Variants in PTPRD observed in about 807,000 individuals in gnomAD.
The protein encoded by PTPRD is receptor-type tyrosine-protein phosphatase delta.
PTPRD carries 34 observed loss-of-function variants against 214.5 expected under a neutral mutation model. The ratio of observed to expected loss-of-function variants is 0.16; its 90% CI spans 0.12 to 0.21. PTPRD has a LOEUF of 0.21. Among genes scored for constraint, PTPRD ranks in the 10% least tolerant of loss-of-function variants. PTPRD has a pLI of 1.00. For missense variants in PTPRD, 2,545 were observed against 2,398.7 expected (o/e 1.06, Z -1.27); for synonymous variants, 1,128 against 845.7 (o/e 1.33, Z -5.79).
intron 4 of PTPRD, among the ~76,000 whole-genome samples, chr9:10,004,151 A>T (rs1588662427): frequency 2.0e-5 from 3 of 151,908 alleles, no homozygotes; most frequent in African/African-American, 7.2e-5. Context: ...TGACATAGAA[A>T]GGTTTTAAGT....
chr9:9,827,266 G>A (rs566693583), intron 5 of PTPRD, among the ~76,000 whole-genome samples: 14 of 152,212 alleles, frequency 9.2e-5, no homozygotes, highest in African/African-American at 3.4e-4. Context: ...ATCCTACAAG[G>A]CTGCAGTCAC....
chr9:8,848,313 C>CTCTTTTTTTTTT (rs1338928285), intron 11 of PTPRD, among the ~76,000 whole-genome samples: 4 of 132,678 alleles, frequency 3.0e-5, no homozygotes, highest in African/African-American at 8.4e-5. Context: ...AAGATTTTTC[C>CTCTTTTTTTTTT]TTTTTTTTTT....
At chr9:9,474,681 G>A (rs1589354483) in intron 8 of PTPRD, among the ~76,000 whole-genome samples, 2 of 97,222 alleles carry the variant, frequency 2.1e-5, no homozygotes, top group African/African-American at 6.3e-5. Flanking sequence ...CTATTCCTAG[G>A]GTTTTTTTTG....
rs143228442 is a variant in PTPRD, at chr9:8,981,081, C to A, written c.-104+37616G>T. ...GCACCTCGCTAACGGAATTTCTTAT[C>A]TTTCTTTTATTTTCAAAAGCTCAGT... On this transcript the variant is annotated intron_variant, in intron 11 of 45. Coordinates refer to ENST00000381196, the MANE Select transcript of PTPRD (RefSeq NM_002839.4). 6.9e-3 allele frequency among the ~76,000 whole-genome samples: 1,056 copies of A among 152,146 alleles called. 6 individuals are homozygous for A. Among genetic ancestry groups the A allele is most frequent in the Non-Finnish European group, 0.011 (752 of 67,966 alleles).
intron 2 of PTPRD, among the ~76,000 whole-genome samples, chr9:10,478,855 T>C (rs1589092179): frequency 6.6e-6 from 1 of 151,704 alleles, no homozygotes; most frequent in East Asian, 1.9e-4. Flanking sequence ...AACAAGAAAA[T>C]TCAGAAAAAT....
intron 2 of PTPRD, among the ~76,000 whole-genome samples, chr9:10,568,419 A>G (rs1454810505): frequency 6.6e-6 from 1 of 152,000 alleles, no homozygotes; most frequent in Non-Finnish European, 1.5e-5. Context: ...TAGTGCCGCA[A>G]TAAACATACG....
chr9:10,180,317 A>C (rs549647254), intron 3 of PTPRD, among the ~76,000 whole-genome samples: 1 of 152,174 alleles, frequency 6.6e-6, no homozygotes, highest in East Asian at 1.9e-4. Flanking sequence ...TAAAAGCCAA[A>C]GTTCTAAAAG....
chr9:9,938,317 A>C (rs1324874810), intron 5 of PTPRD, among the ~76,000 whole-genome samples, 190 bp downstream of exon 5: 1 of 152,190 alleles, frequency 6.6e-6, no homozygotes, highest in African/African-American at 2.4e-5. Context: ...GTGGATTAAA[A>C]AGTATATGCA....
chr9:9,212,659 C>T (rs1261228521), intron 9 of PTPRD, among the ~76,000 whole-genome samples: 1 of 152,146 alleles, frequency 6.6e-6, no homozygotes, highest in East Asian at 1.9e-4. Context: ...AAGTATTTTG[C>T]ACATACAGCC....
chr9:9,887,616 C>G (rs1321410102), intron 5 of PTPRD, among the ~76,000 whole-genome samples: 1 of 152,092 alleles, frequency 6.6e-6, no homozygotes, highest in Admixed American at 6.6e-5. Flanking sequence ...GTACCATGTA[C>G]TCAGACAAAC....
rs1175875551 is a variant in PTPRD at position 9,653,348 on chromosome 9, CAAAAAAAAAAAAAAAAAAAAAAAA to C, written c.-286-78591_-286-78568del. ...TGGGCGACAGAGCGAGACTCCGTCT[CAAAAAAAAAAAAAAAAAAAAAAAA>C]AAAAAAAAAAAAAAGTGCCTCATTC... On this transcript the variant is annotated intron_variant, in intron 7 of 45. Coordinates refer to ENST00000381196, the MANE Select transcript of PTPRD (RefSeq NM_002839.4). Among the ~76,000 whole-genome samples, 21 of 32,506 alleles carry C rather than the reference CAAAAAAAAAAAAAAAAAAAAAAAA, an allele frequency of 6.5e-4. 2 individuals are homozygous for C. The East Asian group carries it at 0.063, about 97-fold the overall frequency. 21.3% of individuals were successfully genotyped at this position (32,506 alleles called of 152,430 possible).
intron 2 of PTPRD, among the ~76,000 whole-genome samples, chr9:10,375,515 A>C (rs766900503): frequency 1.3e-5 from 2 of 152,036 alleles, no homozygotes; most frequent in Non-Finnish European, 2.9e-5. Flanking sequence ...TTCTTTAATC[A>C]GACATGCGAT....
At chr9:10,264,526 GT>G (rs2093921169) in intron 3 of PTPRD, among the ~76,000 whole-genome samples, 1 of 152,118 alleles carries the variant, frequency 6.6e-6, no homozygotes, top group Non-Finnish European at 1.5e-5. Flanking sequence ...TAGTCCCTTT[GT>G]TTTGGCCATT....
At chr9:8,964,195 T>TTTG (rs1396474757) in intron 11 of PTPRD, among the ~76,000 whole-genome samples, 6 of 139,846 alleles carry the variant, frequency 4.3e-5, no homozygotes, top group Non-Finnish European at 7.7e-5. Context: ...GGGCTGTGTT[T>TTTG]TTTTTTTTTT....
intron 11 of PTPRD, among the ~76,000 whole-genome samples, chr9:8,813,326 T>A (rs572581058): frequency 1.4e-3 from 209 of 152,202 alleles, no homozygotes; most frequent in African/African-American, 4.9e-3. Flanking sequence ...GAATAGCTTA[T>A]CAGAATTCAA....
At chr9:8,624,782 G>C (rs1177955213) in intron 14 of PTPRD, among the ~76,000 whole-genome samples, 2 of 151,828 alleles carry the variant, frequency 1.3e-5, no homozygotes, top group Non-Finnish European at 2.9e-5. Context: ...TATGTAGCTA[G>C]AAAGAGCATC....
chr9:8,904,868 C>T (rs2098696763), intron 11 of PTPRD, among the ~76,000 whole-genome samples: 1 of 152,128 alleles, frequency 6.6e-6, no homozygotes, highest in Non-Finnish European at 1.5e-5. Context: ...AACTAAATTT[C>T]ATGTTTCTGA....
At chr9:8,999,472 G>GT (rs1160858105) in intron 11 of PTPRD, among the ~76,000 whole-genome samples, 1 of 152,094 alleles carries the variant, frequency 6.6e-6, no homozygotes, top group East Asian at 1.9e-4. Flanking sequence ...TATGTACATT[G>GT]TTTTTTAAGA....
In PTPRD at chr9:9,519,291, G is replaced by GA. The variant is rs35779828; in HGVS notation, c.-237+55440dup. On this transcript the variant is annotated intron_variant, in intron 8 of 45. Transcript: ENST00000381196. Reference sequence around the variant, plus strand: ...GGCCTCAGTGGCCATATAAAAACAGGAAAAAAAAATCAGTGTAATAAACTA... The same window carrying GA: ...GGCCTCAGTGGCCATATAAAAACAGGAAAAAAAAAATCAGTGTAATAAACTA... 2.4e-3 allele frequency among the ~76,000 whole-genome samples: 355 copies of GA among 149,612 alleles called. 2 individuals carry two copies. The highest frequency in any genetic ancestry group is 7.7e-3 in the African/African-American group (314 of 40,654).
Sources: gnomAD v4.1 joint callset for allele counts (sites outside exome capture counted in the v4.1 genomes callset) on GRCh38, gnomAD v4.1.1 for gene constraint, MANE v1.5 for transcripts, NCBI Gene and HGNC (gene_info 2026-07-23, HGNC 2026-07-21) for gene names.